ORC1: variants seen among roughly 807,000 people sequenced by gnomAD.
ORC1 encodes the protein origin recognition complex, subunit 1 homolog.
In ORC1, 61 loss-of-function variants were observed where a neutral mutation model predicts 98.9. The ratio of observed to expected loss-of-function variants is 0.62; its 90% CI spans 0.50 to 0.76. The LOEUF (loss-of-function observed/expected upper bound fraction) is 0.76. Among genes scored for constraint, ORC1 ranks in the 30% least tolerant of loss-of-function variants. The pLI is 0.00. For synonymous variants in ORC1, 385 were observed against 406.9 expected (o/e 0.95, Z 0.65); for missense variants, 979 against 1,072.2 (o/e 0.91, Z 1.21).
intron 11 of ORC1, 77 bp downstream of exon 11, chr1:52,384,473 A>T (rs1338516687): frequency 1.5e-6 from 2 of 1,358,556 alleles, no homozygotes; most frequent in East Asian, 4.6e-5. Context: ...AATACACGCA[A>T]AATTAAGTAA....
At chr1:52,376,948 C>A (rs1468946357) in intron 14 of ORC1, among the ~76,000 whole-genome samples, 3 of 152,158 alleles carry the variant, frequency 2.0e-5, no homozygotes, top group Admixed American at 6.5e-5. Flanking sequence ...TCACGCAGAA[C>A]GGATGGCAGG....
rs1247212383 is a variant in ORC1, at chr1:52,373,125, C to G, written c.*56G>C. 2.0e-5 allele frequency: 31 copies of G among 1,560,702 alleles called. No homozygotes were observed. The highest frequency in any genetic ancestry group is 2.6e-5 in the Non-Finnish European group (29 of 1,133,480). ...CCAGCCTGGGCGACAGAGCAAGACC[C>G]TGTCTCAAAAAACAAAACCCAGCAA... is the stretch of plus-strand genomic sequence containing the variant. On this transcript the variant is annotated 3_prime_UTR_variant, in exon 17 of 17. Coordinates refer to ENST00000371568, the MANE Select transcript of ORC1 (RefSeq NM_004153.4).
chr1:52,404,721 G>A (rs762995173), upstream of ORC1: 6 of 1,607,600 alleles, frequency 3.7e-6, no homozygotes, highest in Non-Finnish European at 5.1e-6. Flanking sequence ...TAAAGGATCC[G>A]ACGGAAATAG....
At chr1:52,396,403 C>T in intron 4 of ORC1, 39 bp from the exon 5 acceptor site, 1 of 1,613,262 alleles carries the variant, frequency 6.2e-7, no homozygotes, top group Admixed American at 1.7e-5. Flanking sequence ...AAGAGATGAG[C>T]CCCAAGAGAG....
chr1:52,388,333 C>G (rs1647170071), intron 8 of ORC1, 109 bp downstream of exon 8: 1 of 911,258 alleles, frequency 1.1e-6, no homozygotes. Flanking sequence ...TTGAATATAA[C>G]AGATCTGTCC....
chr1:52,385,399 T>C, intron 9 of ORC1, 137 bp from the exon 10 acceptor site: 1 of 746,100 alleles, frequency 1.3e-6, no homozygotes, highest in South Asian at 1.5e-5. Context: ...TGCTAGAGAA[T>C]CCCTTCATTC....
chr1:52,383,412 G>C lies in ORC1; in HGVS notation c.2013+8C>G, dbSNP rs1647097926. On this transcript the variant is annotated splice_region_variant and intron_variant, in intron 13 of 16. Coordinates refer to ENST00000371568, the MANE Select transcript of ORC1 (RefSeq NM_004153.4). Reference sequence around the variant, plus strand: ...CAAGAACAGCATGGGAACTGCCCTAGAACCTACCAGTCGGCTGGACACCCG... The same window carrying C: ...CAAGAACAGCATGGGAACTGCCCTACAACCTACCAGTCGGCTGGACACCCG... 4 of 1,612,268 alleles carry C rather than the reference G, an allele frequency of 2.5e-6. No homozygotes were observed. The highest frequency in any genetic ancestry group is 2.2e-4 in the Middle Eastern group (1 of 4,538).
At chr1:52,391,507 A>T (rs1557579722) in intron 6 of ORC1, among the ~76,000 whole-genome samples, 1 of 152,230 alleles carries the variant, frequency 6.6e-6, no homozygotes, top group Non-Finnish European at 1.5e-5. Context: ...GAGTGGGAGA[A>T]AATATTTGCA....
At chr1:52,399,623 CAAAAAAA>C (rs1198516466) in intron 3 of ORC1, among the ~76,000 whole-genome samples, 5 of 64,122 alleles carry the variant, frequency 7.8e-5, no homozygotes, top group African/African-American at 2.1e-4. Context: ...GACTCTGTCT[CAAAAAAA>C]AAAAAAAAAA....
intron 6 of ORC1, among the ~76,000 whole-genome samples, chr1:52,389,537 T>G (rs1647183873): frequency 6.6e-6 from 1 of 152,190 alleles, no homozygotes; most frequent in South Asian, 2.1e-4. Flanking sequence ...AAAGTCTGCC[T>G]TAACCTTATT....
chr1:52,378,738 A>G (rs1647025681), intron 14 of ORC1, among the ~76,000 whole-genome samples: 1 of 151,790 alleles, frequency 6.6e-6, no homozygotes. Flanking sequence ...TAAAAATATA[A>G]TTTTGCAAGT....
chr1:52,394,126 C>T (rs569631264), intron 5 of ORC1, among the ~76,000 whole-genome samples: 37 of 152,286 alleles, frequency 2.4e-4, no homozygotes, highest in South Asian at 1.2e-3. Flanking sequence ...GGGGTGACAT[C>T]GCATGCCTTC....
upstream of ORC1, among the ~76,000 whole-genome samples, chr1:52,405,067 T>C (rs1473809937): frequency 6.6e-6 from 1 of 152,214 alleles, no homozygotes; most frequent in Non-Finnish European, 1.5e-5. Context: ...CAGATGAATC[T>C]GGTAAGGTCA....
intron 3 of ORC1, among the ~76,000 whole-genome samples, chr1:52,399,751 G>A (rs1647610356): frequency 6.6e-6 from 1 of 151,920 alleles, no homozygotes; most frequent in Non-Finnish European, 1.5e-5. Flanking sequence ...GAGGCTGCAT[G>A]AGCTGAGATT....
upstream of ORC1, chr1:52,405,643 A>G: frequency 1.2e-6 from 2 of 1,605,074 alleles, no homozygotes; most frequent in Admixed American, 1.7e-5. Context: ...GGAAGAGCTT[A>G]GCCCTAATAT....
intron 3 of ORC1, among the ~76,000 whole-genome samples, chr1:52,398,786 C>G (rs113053111): frequency 6.6e-6 from 1 of 151,432 alleles, no homozygotes; most frequent in Non-Finnish European, 1.5e-5. Flanking sequence ...GGGGTTTCAC[C>G]GTGTTAGCCA....
rs781697693 is a variant in ORC1 at position 52,393,575 on chromosome 1, A to G, written c.950T>C (p.Ile317Thr). 5.6e-6 allele frequency: 9 copies of G among 1,614,118 alleles called. No homozygotes were observed. The highest frequency in any genetic ancestry group is 7.6e-6 in the Non-Finnish European group (9 of 1,180,028). ...CGAAGCTGCAATTCGGGTTCTCAGG[A>G]TTATGCGATGTTCAGGTGAAGCCTT... ...DKKASPEHRI[I>T]LRTRIAASKT... The change falls in exon 6 of 17, where the codon ATC (isoleucine) becomes ACC (threonine). Residue 317 changes from isoleucine (I) to threonine (T), a missense_variant. Physicochemically the swap from Ile to Thr is moderately conservative, Grantham distance 89. Coordinates refer to ENST00000371568, the MANE Select transcript of ORC1 (RefSeq NM_004153.4).
chr1:52,401,745 A>T (rs1192799773), intron 2 of ORC1, among the ~76,000 whole-genome samples: 1 of 152,184 alleles, frequency 6.6e-6, no homozygotes, highest in Non-Finnish European at 1.5e-5. Context: ...AGAACAACAA[A>T]TGCTTCCCAC....
At chr1:52,384,329 G>C (rs974399840) in intron 11 of ORC1, among the ~76,000 whole-genome samples, 1 of 152,300 alleles carries the variant, frequency 6.6e-6, no homozygotes, top group East Asian at 1.9e-4. Flanking sequence ...TCACCATGTG[G>C]GTAAGTACTG....
Sources: gnomAD v4.1 joint callset for allele counts (sites outside exome capture counted in the v4.1 genomes callset) on GRCh38, gnomAD v4.1.1 for gene constraint, MANE v1.5 for transcripts, NCBI Gene and HGNC (gene_info 2026-07-23, HGNC 2026-07-21) for gene names.